The following WIF1 variants were observed in gnomAD, a reference collection of about 807,000 sequenced individuals.
The protein encoded by WIF1 is Wnt inhibitory factor 1.
A neutral mutation model predicts 53.5 loss-of-function variants in WIF1; 35 were observed. The ratio of observed to expected loss-of-function variants is 0.65; its 90% CI spans 0.50 to 0.87. The LOEUF (loss-of-function observed/expected upper bound fraction) is 0.87. Ranked by LOEUF, WIF1 falls within the 40% of genes least tolerant of loss-of-function variation. The probability of loss-of-function intolerance (pLI) is 0.00; values close to 1 mark genes in which losing one functional copy is unlikely to be tolerated. For synonymous variants in WIF1, 171 were observed against 170.4 expected (o/e 1.00, Z -0.03); for missense variants, 467 against 476.8 (o/e 0.98, Z 0.19).
At chr12:65,109,345 G>A (rs1244871226) in intron 2 of WIF1, among the ~76,000 whole-genome samples, 2 of 152,104 alleles carry the variant, frequency 1.3e-5, no homozygotes, top group Non-Finnish European at 2.9e-5. Flanking sequence ...TCTTTCTTAG[G>A]GCATTATGGC....
chr12:65,057,288 T>A (rs12319662), intron 7 of WIF1, among the ~76,000 whole-genome samples: 4,106 of 152,208 alleles, frequency 0.027, 193 homozygotes, highest in African/African-American at 0.095. Context: ...ATGCCCTAGG[T>A]CCATAATGAT....
intron 2 of WIF1, among the ~76,000 whole-genome samples, chr12:65,086,184 T>G (rs1883035164): frequency 6.6e-6 from 1 of 152,156 alleles, no homozygotes; most frequent in Admixed American, 6.5e-5. Flanking sequence ...ATATAGTCTT[T>G]AAACCAAATT....
chr12:65,051,540 A>G, intron 9 of WIF1, 70 bp from the exon 10 acceptor site: 2 of 1,442,204 alleles, frequency 1.4e-6, no homozygotes, highest in Non-Finnish European at 1.8e-6. Context: ...ATTATTAACC[A>G]TTCAAATGAA....
chr12:65,058,320 C>T (rs1051458097), intron 7 of WIF1, among the ~76,000 whole-genome samples: 4 of 152,092 alleles, frequency 2.6e-5, no homozygotes, highest in Admixed American at 2.0e-4. Flanking sequence ...GAAAAGACAG[C>T]GTACTCATAT....
intron 5 of WIF1, 62 bp downstream of exon 5, chr12:65,067,633 G>A (rs1377307305): frequency 3.4e-6 from 5 of 1,473,012 alleles, no homozygotes; most frequent in African/African-American, 2.8e-5. Context: ...TACACATGGG[G>A]CTCCTGCACG....
At chr12:65,071,231 CAAAAA>C (rs67928556) in intron 3 of WIF1, among the ~76,000 whole-genome samples, 71 of 71,150 alleles carry the variant, frequency 1.0e-3, no homozygotes, top group African/African-American at 3.3e-3. Flanking sequence ...AAGACTCCAT[CAAAAA>C]AAAAAAAAAA....
intron 1 of WIF1, 42 bp from the exon 2 acceptor site, chr12:65,120,598 G>T: frequency 6.3e-7 from 1 of 1,582,448 alleles, no homozygotes; most frequent in South Asian, 1.2e-5. Context: ...AGGTAGACTT[G>T]AAATCATCTA....
chr12:65,053,435 A>G (rs548789227), intron 9 of WIF1, among the ~76,000 whole-genome samples: 33 of 152,288 alleles, frequency 2.2e-4, no homozygotes, highest in Admixed American at 2.0e-3. Flanking sequence ...TGGTTCCCCT[A>G]TGCTGTTCTC....
intron 3 of WIF1, among the ~76,000 whole-genome samples, chr12:65,070,790 G>A (rs544584985): frequency 6.6e-6 from 1 of 152,202 alleles, no homozygotes; most frequent in Admixed American, 6.5e-5. Flanking sequence ...TGGAAGAGAA[G>A]ATGCCTATCA....
rs773931716 is a variant in WIF1, at chr12:65,051,318, G to A, written c.*31C>T. On this transcript the variant is annotated 3_prime_UTR_variant, in exon 10 of 10. Coordinates refer to ENST00000286574, the MANE Select transcript of WIF1 (RefSeq NM_007191.5). The stretch of plus-strand genomic sequence containing the variant: ...AAGGTTAACAAAGGCTATGAACTTG[G>A]TGTAACTTAAAACGTTTCAGATGTC... The A allele has an allele frequency of 9.4e-6, 15 of 1,602,440 alleles. No individual in the cohort carries two copies. Among genetic ancestry groups the A allele is most frequent in the Non-Finnish European group, 1.1e-5 (13 of 1,174,606 alleles).
intron 2 of WIF1, among the ~76,000 whole-genome samples, chr12:65,110,081 G>A (rs914890084): frequency 1.3e-5 from 2 of 152,154 alleles, no homozygotes; most frequent in African/African-American, 4.8e-5. Context: ...TTTTACTTCA[G>A]AGATAGAATC....
intron 2 of WIF1, among the ~76,000 whole-genome samples, chr12:65,117,324 A>G (rs1883527975): frequency 6.6e-6 from 1 of 152,202 alleles, no homozygotes; most frequent in African/African-American, 2.4e-5. Context: ...AGCATATGAT[A>G]ATGCACTATT....
intron 2 of WIF1, among the ~76,000 whole-genome samples, chr12:65,113,265 A>G (rs1321841552): frequency 6.6e-6 from 1 of 152,206 alleles, no homozygotes. Flanking sequence ...GATAAGGGAC[A>G]TTTTTGCTGA....
intron 6 of WIF1, among the ~76,000 whole-genome samples, 153 bp from the exon 7 acceptor site, chr12:65,062,729 T>G (rs936692789): frequency 1.3e-5 from 2 of 152,122 alleles, no homozygotes; most frequent in Non-Finnish European, 2.9e-5. Flanking sequence ...ATACAAAATT[T>G]GTACCAATTG....
intron 2 of WIF1, among the ~76,000 whole-genome samples, chr12:65,093,485 TA>T (rs1883155504): frequency 2.0e-5 from 3 of 152,292 alleles, no homozygotes; most frequent in Admixed American, 2.0e-4. Context: ...TTTTAATTTC[TA>T]AAAATTGTTT....
chr12:65,120,698 C>G, intron 1 of WIF1, 142 bp from the exon 2 acceptor site: 2 of 982,716 alleles, frequency 2.0e-6, no homozygotes, highest in Non-Finnish European at 2.9e-6. Flanking sequence ...ATCAACGCTA[C>G]TAAGATTAAT....
intron 2 of WIF1, among the ~76,000 whole-genome samples, chr12:65,116,262 G>T (rs529604969): frequency 6.6e-6 from 1 of 152,188 alleles, no homozygotes; most frequent in African/African-American, 2.4e-5. Context: ...GAACCAGGCC[G>T]CACAGCAGGA....
intron 3 of WIF1, among the ~76,000 whole-genome samples, chr12:65,069,775 A>G (rs1203053473): frequency 6.6e-6 from 1 of 152,198 alleles, no homozygotes; most frequent in East Asian, 1.9e-4. Flanking sequence ...GGATAACCAC[A>G]AATCACTGGG....
chr12:65,057,283 C>T (rs1882543744), intron 7 of WIF1, among the ~76,000 whole-genome samples: 1 of 152,122 alleles, frequency 6.6e-6, no homozygotes, highest in Non-Finnish European at 1.5e-5. Context: ...CTGGAATGCC[C>T]TAGGTCCATA....
Sources: gnomAD v4.1 joint callset for allele counts (sites outside exome capture counted in the v4.1 genomes callset) on GRCh38, gnomAD v4.1.1 for gene constraint, MANE v1.5 for transcripts, NCBI Gene and HGNC (gene_info 2026-07-23, HGNC 2026-07-21) for gene names.